Variants in PPP2R2B observed in about 807,000 individuals in gnomAD.
The protein encoded by PPP2R2B is serine/threonine-protein phosphatase 2A 55 kDa regulatory subunit B beta isoform.
A neutral mutation model predicts 46.0 loss-of-function variants in PPP2R2B; 5 were observed. That is an observed-to-expected ratio of 0.11 (90% CI 0.06 to 0.23). The LOEUF (loss-of-function observed/expected upper bound fraction) is 0.23. PPP2R2B is among the 10% of genes least tolerant of loss of function. PPP2R2B has a pLI of 1.00. For missense variants in PPP2R2B, 367 were observed against 575.0 expected (o/e 0.64, Z 3.70); for synonymous variants, 215 against 206.7 (o/e 1.04, Z -0.34).
chr5:146,992,638 T>C (rs1753743803), intron 1 of PPP2R2B, among the ~76,000 whole-genome samples: 1 of 152,182 alleles, frequency 6.6e-6, no homozygotes, highest in Non-Finnish European at 1.5e-5. Context: ...CCCAGCATCA[T>C]CCTCATGTGG....
Position 146,878,187 on chromosome 5 carries a change from G to A in PPP2R2B, c.-116C>T. On this transcript the variant is annotated 5_prime_UTR_variant, in exon 2 of 10. Coordinates refer to ENST00000394411, the MANE Select transcript of PPP2R2B (RefSeq NM_181675.4). The surrounding 1 kb of genome is among the most constrained non-coding windows in gnomAD (Gnocchi z 4.5). ...AGGGGAGCCAGTGGGACTGCACCAT[G>A]GTCCGAGCCTGAGGAGGAGACGGGG... The A allele has an allele frequency of 2.5e-6, 4 of 1,590,990 alleles. No homozygotes were observed. Among genetic ancestry groups the A allele is most frequent in the Non-Finnish European group, 3.4e-6 (4 of 1,168,090 alleles).
rs1778825316 is a variant in PPP2R2B at position 146,691,114 on chromosome 5, C to G, written c.447+14G>C. 6.2e-7 allele frequency: 1 copy of G among 1,610,740 alleles called. No individual in the cohort carries two copies. The highest frequency in any genetic ancestry group is 1.7e-5 in the Admixed American group (1 of 59,922). ...CCCCTGACTGTGGTGGCCAGGGCAG[C>G]TGTTTGCACTCACCCGCAGGGTTGT... On this transcript the variant is annotated intron_variant, in intron 5 of 9. Coordinates refer to ENST00000394411, the MANE Select transcript of PPP2R2B (RefSeq NM_181675.4).
At chr5:146,987,810 C>A in intron 1 of PPP2R2B, among the ~76,000 whole-genome samples, 1 of 151,790 alleles carries the variant, frequency 6.6e-6, no homozygotes, top group East Asian at 1.9e-4. Context: ...GGACTACATT[C>A]TCTAGCTGAA....
chr5:146,703,591 G>A (rs1183175119), intron 2 of PPP2R2B, among the ~76,000 whole-genome samples: 1 of 152,176 alleles, frequency 6.6e-6, no homozygotes, highest in Non-Finnish European at 1.5e-5. Context: ...TCTTGGCTCA[G>A]TTGCCAAGAA....
intron 2 of PPP2R2B, among the ~76,000 whole-genome samples, chr5:146,772,461 A>C (rs1451421790): frequency 6.7e-6 from 1 of 149,992 alleles, no homozygotes; most frequent in African/African-American, 2.5e-5. Context: ...GAGAAGATCC[A>C]GAATGAGACC....
rs987744235 is a variant in PPP2R2B, at chr5:147,049,931, G to A, written c.79+5734C>T. ...AAAGAGGAGCAGGTGATGGGGCAGC[G>A]GGTGAAGGAAGATACAGGCTCATGA... On this transcript the variant is annotated intron_variant, in intron 1 of 8. Transcript: ENST00000336640. 2.0e-5 allele frequency among the ~76,000 whole-genome samples: 3 copies of A among 152,112 alleles called. 1 individual carries two copies. Among genetic ancestry groups the A allele is most frequent in the South Asian group, 4.1e-4 (2 of 4,826 alleles).
At chr5:147,019,911 G>A (rs762654881) in intron 1 of PPP2R2B, among the ~76,000 whole-genome samples, 1 of 152,146 alleles carries the variant, frequency 6.6e-6, no homozygotes, top group Non-Finnish European at 1.5e-5. Flanking sequence ...AGGAAAACAT[G>A]CTGTGAGGGA....
At chr5:146,807,464 A>G (rs2151313366) in intron 2 of PPP2R2B, among the ~76,000 whole-genome samples, 1 of 152,342 alleles carries the variant, frequency 6.6e-6, no homozygotes, top group East Asian at 1.9e-4. Flanking sequence ...GTTTAGATAT[A>G]CAAGATGATC....
At chr5:146,650,823 G>T in intron 5 of PPP2R2B, 99 bp from the exon 6 acceptor site, 1 of 1,139,186 alleles carries the variant, frequency 8.8e-7, no homozygotes, top group Non-Finnish European at 1.2e-6. Context: ...CAAAATAATA[G>T]CCACATTGAA....
intron 5 of PPP2R2B, among the ~76,000 whole-genome samples, chr5:146,666,745 G>C (rs187593988): frequency 7.9e-5 from 12 of 152,330 alleles, no homozygotes; most frequent in Admixed American, 7.8e-4. Flanking sequence ...CAAATGCTTT[G>C]CTTCACTGAA....
chr5:146,602,860 C>T (rs558562395), intron 7 of PPP2R2B, among the ~76,000 whole-genome samples: 1 of 152,272 alleles, frequency 6.6e-6, no homozygotes, highest in East Asian at 1.9e-4. Context: ...TTAGTGAAGG[C>T]CCCTGGATTC....
intron 2 of PPP2R2B, among the ~76,000 whole-genome samples, chr5:146,778,879 G>GGGGC (rs1168527287): frequency 6.6e-6 from 1 of 152,144 alleles, no homozygotes. Context: ...CCCCATTAGT[G>GGGGC]GGGCAGGGCT....
At chr5:146,953,680 T>G (rs1751734589) in intron 1 of PPP2R2B, among the ~76,000 whole-genome samples, 1 of 152,218 alleles carries the variant, frequency 6.6e-6, no homozygotes, top group African/African-American at 2.4e-5. Context: ...ACTTAGCCTG[T>G]GTTAAACATT....
intron 7 of PPP2R2B, among the ~76,000 whole-genome samples, chr5:146,633,707 G>A (rs1774595531): frequency 6.6e-6 from 1 of 152,266 alleles, no homozygotes; most frequent in Non-Finnish European, 1.5e-5. Flanking sequence ...CTTCAGGACA[G>A]TCACCAGGGC....
At chr5:147,027,430 C>A (rs747328543) in intron 1 of PPP2R2B, among the ~76,000 whole-genome samples, 1 of 152,006 alleles carries the variant, frequency 6.6e-6, no homozygotes, top group African/African-American at 2.4e-5. Context: ...GTCAGGAGAT[C>A]GAGACCATCC....
In PPP2R2B at chr5:146,628,095, C is replaced by T. The variant is rs577163742; in HGVS notation, c.790+10156G>A. On this transcript the variant is annotated intron_variant, in intron 7 of 9. Transcript: ENST00000394411. ...GAGTAGTGGGGATTACAGGTGTGCG[C>T]TACCATGCCCAGCTAATTTTTATAT... 1.4e-3 allele frequency among the ~76,000 whole-genome samples: 210 copies of T among 152,218 alleles called. 1 individual carries two copies. Among genetic ancestry groups the T allele is most frequent in the Non-Finnish European group, 5.0e-4 (34 of 68,026 alleles).
chr5:146,796,080 G>A (rs1441176203), intron 2 of PPP2R2B, among the ~76,000 whole-genome samples: 1 of 152,086 alleles, frequency 6.6e-6, no homozygotes, highest in African/African-American at 2.4e-5. Flanking sequence ...GGCATTCAGT[G>A]TGTTTTGCTG....
intron 7 of PPP2R2B, among the ~76,000 whole-genome samples, chr5:146,603,238 T>G (rs1771948584): frequency 6.6e-6 from 1 of 152,210 alleles, no homozygotes; most frequent in African/African-American, 2.4e-5. Flanking sequence ...AACAAGACTC[T>G]TGAGAATTTG....
intron 1 of PPP2R2B, among the ~76,000 whole-genome samples, chr5:146,983,126 G>T (rs1484161579): frequency 1.4e-5 from 2 of 142,974 alleles, no homozygotes; most frequent in Non-Finnish European, 3.1e-5. Flanking sequence ...TGGGTTACTT[G>T]AACATTTTTT....
Sources: allele counts gnomAD v4.1 joint callset (sites outside exome capture counted in the v4.1 genomes callset), GRCh38; gene constraint gnomAD v4.1.1; non-coding constraint Gnocchi (gnomAD v3.1); transcripts MANE v1.5; gene names NCBI Gene and HGNC (gene_info 2026-07-23, HGNC 2026-07-21).